Variants in SPTBN4 observed in about 807,000 individuals in gnomAD.
SPTBN4 encodes the protein spectrin beta, non-erythrocytic 4, also known as spectrin beta chain, non-erythrocytic 4.
SPTBN4 carries 96 observed loss-of-function variants against 277.8 expected under a neutral mutation model. The ratio of observed to expected loss-of-function variants is 0.35; its 90% CI spans 0.29 to 0.41. The LOEUF (loss-of-function observed/expected upper bound fraction) is 0.41. Ranked by LOEUF, SPTBN4 falls within the 10% of genes least tolerant of loss-of-function variation. The pLI is 1.00. For synonymous variants in SPTBN4, 1,481 were observed against 1,580.3 expected (o/e 0.94, Z 1.49); for missense variants, 3,006 against 3,595.7 (o/e 0.84, Z 4.19).
rs925642423 is a variant in SPTBN4 at position 40,565,456 on chromosome 19, C to T, written c.5949C>T (p.Tyr1983=). 2 of 1,613,954 alleles carry T rather than the reference C, an allele frequency of 1.2e-6. No individual in the cohort carries two copies. The highest frequency in any genetic ancestry group is 1.3e-5 in the African/African-American group (1 of 74,890). ...CATCAGTGGAGGTGCTCATGAACTACCACCAGGGCCTGAAGACTGAGCTGG... is the reference window on the plus strand; with the variant it reads ...CATCAGTGGAGGTGCTCATGAACTATCACCAGGGCCTGAAGACTGAGCTGG... ...DVSSVEVLMN[Y]HQGLKTELEA... is the part of the protein sequence containing the mutation. The change falls in exon 28 of 36, where the codon TAC becomes TAT. Residue 1983 remains tyrosine (Y), a synonymous_variant. Coordinates refer to ENST00000598249, the MANE Select transcript of SPTBN4 (RefSeq NM_020971.3).
Position 40,564,289 on chromosome 19 carries a change from A to G in SPTBN4, c.5916-1134A>G, listed in dbSNP as rs112132691. On this transcript the variant is annotated intron_variant, in intron 27 of 35. Coordinates refer to ENST00000598249, the MANE Select transcript of SPTBN4 (RefSeq NM_020971.3). Reference sequence around the variant, plus strand: ...GGGGAATCGCTTGAACCTACCTAGAAGGGGGAGGTTGCAGTGAGCGGAGAT... The same window carrying G: ...GGGGAATCGCTTGAACCTACCTAGAGGGGGGAGGTTGCAGTGAGCGGAGAT... 1.2e-4 allele frequency among the ~76,000 whole-genome samples: 18 copies of G among 152,230 alleles called. 1 individual carries two copies. Among genetic ancestry groups the G allele is most frequent in the Middle Eastern group, 3.4e-3 (1 of 294 alleles).
intron 18 of SPTBN4, 119 bp downstream of exon 18, chr19:40,529,250 T>TC: frequency 1.0e-6 from 1 of 970,676 alleles, no homozygotes; most frequent in South Asian, 1.5e-5. Context: ...CGATGCTCGC[T>TC]CTAAGCCGCC....
At chr19:40,510,672 C>G (rs2080380945) in intron 13 of SPTBN4, among the ~76,000 whole-genome samples, 1 of 152,142 alleles carries the variant, frequency 6.6e-6, no homozygotes, top group Non-Finnish European at 1.5e-5. Flanking sequence ...CAGCGAATGT[C>G]CAGAATTACA....
intron 1 of SPTBN4, among the ~76,000 whole-genome samples, chr19:40,471,140 T>G (rs1367407048): frequency 6.6e-6 from 1 of 151,858 alleles, no homozygotes; most frequent in African/African-American, 2.4e-5. Flanking sequence ...AGAGACAGGG[T>G]TTCACCATGT....
At position 40,515,814 on chromosome 19, in the gene SPTBN4, T is replaced by C. The variant is rs368348689; in HGVS notation, c.2903+366T>C. Among the ~76,000 whole-genome samples, 348 of 150,920 alleles carry C rather than the reference T, an allele frequency of 2.3e-3. 2 individuals carry two copies. The highest frequency in any genetic ancestry group is 4.7e-3 in the Admixed American group (71 of 15,068). On this transcript the variant is annotated intron_variant, in intron 15 of 35. Transcript: ENST00000598249. The surrounding 1 kb of genome is among the most constrained non-coding windows in gnomAD (Gnocchi z 4.1). The stretch of plus-strand genomic sequence containing the variant: ...GAGATGGGTGGATCACTTGAGCTCA[T>C]GAATTCAAGACCAGCCTGGGCAACA...
chr19:40,575,265 T>G, intron 35 of SPTBN4, 146 bp from the exon 36 acceptor site: 1 of 964,846 alleles, frequency 1.0e-6, no homozygotes, highest in South Asian at 1.7e-5. Context: ...CTGGCACATA[T>G]TGCTATGTAA....
intron 18 of SPTBN4, among the ~76,000 whole-genome samples, chr19:40,530,062 CT>C (rs1368641941): frequency 1.3e-5 from 2 of 152,138 alleles, no homozygotes; most frequent in East Asian, 1.9e-4. Flanking sequence ...GAGGAACCCC[CT>C]GTTCCCCCTC....
At position 40,568,029 on chromosome 19, in the gene SPTBN4, G is replaced by A; in HGVS notation, c.6703G>A (p.Glu2235Lys). The change falls in exon 31 of 36, where the codon GAG (glutamate) becomes AAG (lysine). Residue 2235 changes from glutamate (E) to lysine (K), a missense_variant. Glu to Lys is a moderately conservative substitution (Grantham distance 56, BLOSUM62 1). Transcript: ENST00000598249. ...GGTGCGGCCACGACCGGAGCGCCAG[G>A]AGTCAGCTGATCGCGCGGAGGAGCT... ...EQVRPRPERQESADRAEELPR... is the reference protein window; with the variant it reads ...EQVRPRPERQKSADRAEELPR... The A allele has an allele frequency of 1.3e-6, 2 of 1,548,082 alleles. No homozygotes were observed. Among genetic ancestry groups the A allele is most frequent in the Non-Finnish European group, 1.7e-6 (2 of 1,147,224 alleles).
In SPTBN4 at chr19:40,515,427, G is replaced by A; in HGVS notation, c.2882G>A (p.Cys961Tyr). ...CCCAGTTCAGATGAGGTGCGTTCCT[G>A]CCAGGACCACCTCAACAGCAGGTAG... The part of the protein sequence containing the change: ...GHPSSDEVRS[C>Y]QDHLNSRWNR... The change falls in exon 15 of 36, where the codon TGC becomes TAC. Residue 961 changes from cysteine (C) to tyrosine (Y), a missense_variant. Cys to Tyr is a radical substitution (Grantham distance 194). Around this residue, in one of 5 missense-constraint regions of SPTBN4, gnomAD observed 1,759 missense variants for 2,061.5 expected, o/e 0.85. Coordinates refer to ENST00000598249, the MANE Select transcript of SPTBN4 (RefSeq NM_020971.3). The surrounding 1 kb of genome is among the most constrained non-coding windows in gnomAD (Gnocchi z 4.1). 6.4e-7 allele frequency: 1 copy of A among 1,569,704 alleles called. No homozygotes were observed. The highest frequency in any genetic ancestry group is 1.3e-5 in the African/African-American group (1 of 74,282).
At chr19:40,558,669 G>A (rs923885235) in intron 26 of SPTBN4, among the ~76,000 whole-genome samples, 6 of 145,770 alleles carry the variant, frequency 4.1e-5, no homozygotes, top group African/African-American at 1.5e-4. Flanking sequence ...GTGCAGTGGC[G>A]CGATCTCAGC....
At chr19:40,485,797 T>C (rs1170654020) in intron 2 of SPTBN4, among the ~76,000 whole-genome samples, 1 of 147,168 alleles carries the variant, frequency 6.8e-6, no homozygotes, top group Middle Eastern at 3.4e-3. Context: ...CAGAGTGAGA[T>C]TGTGACTCAA....
chr19:40,500,982 G>A (rs1412745827), intron 7 of SPTBN4, among the ~76,000 whole-genome samples: 1 of 152,188 alleles, frequency 6.6e-6, no homozygotes, highest in Non-Finnish European at 1.5e-5. Flanking sequence ...ATTACAAATT[G>A]TGATACATTC....
intron 3 of SPTBN4, among the ~76,000 whole-genome samples, chr19:40,489,595 T>C (rs1332215329): frequency 6.6e-6 from 1 of 151,682 alleles, no homozygotes; most frequent in Non-Finnish European, 1.5e-5. Context: ...GCCATGTTGG[T>C]CAGGCTGGTC....
At chr19:40,529,187 T>G in intron 18 of SPTBN4, 56 bp downstream of exon 18, 1 of 1,520,496 alleles carries the variant, frequency 6.6e-7, no homozygotes, top group Non-Finnish European at 9.1e-7. Flanking sequence ...GGGAGGGAAG[T>G]GCTTCTCGGC....
Position 40,490,509 on chromosome 19 carries a change from T to C in SPTBN4, c.495+261T>C, listed in dbSNP as rs2080125310. Among the ~76,000 whole-genome samples, 1 of 152,184 alleles carries C rather than the reference T, an allele frequency of 6.6e-6. No individual in the cohort carries two copies. Among genetic ancestry groups the C allele is most frequent in the South Asian group, 2.1e-4 (1 of 4,826 alleles). ...CACAGCAACCCCATAAATTAGGTAC[T>C]ATTTAGTACCCCATTTTACCAGTGA... On this transcript the variant is annotated intron_variant, in intron 4 of 35. Coordinates refer to ENST00000598249, the MANE Select transcript of SPTBN4 (RefSeq NM_020971.3). This position sits in a 1 kb window ranked among gnomAD's most constrained non-coding sequence, Gnocchi z 4.3.
chr19:40,574,941 G>A (rs1342922864), intron 35 of SPTBN4, among the ~76,000 whole-genome samples: 1 of 151,412 alleles, frequency 6.6e-6, no homozygotes, highest in Non-Finnish European at 1.5e-5. Context: ...CTTGAACCTG[G>A]GAGATGGAGG....
At chr19:40,470,359 G>A (rs2145794240) in intron 1 of SPTBN4, among the ~76,000 whole-genome samples, 1 of 152,062 alleles carries the variant, frequency 6.6e-6, no homozygotes, top group African/African-American at 2.4e-5. Context: ...AAGCCGGAGT[G>A]CAGTGGTGCC....
intron 2 of SPTBN4, among the ~76,000 whole-genome samples, chr19:40,480,478 C>T (rs1275315346): frequency 6.6e-6 from 1 of 152,128 alleles, no homozygotes; most frequent in Non-Finnish European, 1.5e-5. Context: ...CTCATGCCAC[C>T]TCCCTATCAC....
At chr19:40,551,046 C>T (rs576535928) in intron 22 of SPTBN4, among the ~76,000 whole-genome samples, 1 of 152,314 alleles carries the variant, frequency 6.6e-6, no homozygotes, top group African/African-American at 2.4e-5. Context: ...CGGACTGCTC[C>T]TTGGGCTGGC....
Sources: gnomAD v4.1 joint callset for allele counts (sites outside exome capture counted in the v4.1 genomes callset) on GRCh38, gnomAD v4.1.1 for gene constraint, gnomAD v4.1.1 regional missense constraint, Gnocchi (gnomAD v3.1) non-coding constraint, MANE v1.5 for transcripts, NCBI Gene and HGNC (gene_info 2026-07-23, HGNC 2026-07-21) for gene names.